The following STXBP6 variants were observed in gnomAD, a reference collection of about 807,000 sequenced individuals.
STXBP6 encodes syntaxin binding protein 6, also known as syntaxin-binding protein 6.
A neutral mutation model predicts 26.9 loss-of-function variants in STXBP6; 21 were observed. The observed-to-expected ratio is 0.78, with a 90% CI of 0.55 to 1.12. The LOEUF is 1.12. Ranked by LOEUF, STXBP6 falls within the 50% of genes most tolerant of loss-of-function variation. STXBP6 has a pLI of 0.00. For synonymous variants in STXBP6, 97 were observed against 92.6 expected (o/e 1.05, Z -0.27); for missense variants, 232 against 257.9 (o/e 0.90, Z 0.69).
chr14:24,896,874 G>C (rs1038389769), intron 2 of STXBP6, among the ~76,000 whole-genome samples: 1 of 152,164 alleles, frequency 6.6e-6, no homozygotes, highest in Non-Finnish European at 1.5e-5. Context: ...GTCTGAGCTG[G>C]TAAGTGTTAG....
At chr14:24,892,857 G>A (rs781100322) in intron 2 of STXBP6, among the ~76,000 whole-genome samples, 12 of 152,130 alleles carry the variant, frequency 7.9e-5, no homozygotes, top group South Asian at 2.1e-4. Context: ...GGAGAGAGCC[G>A]AGTGGACCTT....
At chr14:24,869,486 G>GGAC (rs1265985640) in intron 2 of STXBP6, among the ~76,000 whole-genome samples, 1 of 152,136 alleles carries the variant, frequency 6.6e-6, no homozygotes, top group African/African-American at 2.4e-5. Flanking sequence ...AAATCCCTGG[G>GGAC]GGGTCTTTCC....
rs113836437 is a variant in STXBP6 at position 24,865,249 on chromosome 14, A to G, written c.155-8092T>C. Among the ~76,000 whole-genome samples the G allele has an allele frequency of 5.3e-5, 8 of 152,250 alleles. 1 individual carries two copies. The highest frequency in any genetic ancestry group is 2.1e-4 in the South Asian group (1 of 4,822). ...GAAGCAATGGTTTTTAAGGCATTGT[A>G]TATCAAGCAATGAAGCATAATGACC... is the stretch of plus-strand genomic sequence containing the variant. On this transcript the variant is annotated intron_variant, in intron 2 of 5. Coordinates refer to ENST00000323944, the MANE Select transcript of STXBP6 (RefSeq NM_001394410.1).
intron 2 of STXBP6, among the ~76,000 whole-genome samples, chr14:24,867,819 G>A (rs1301575117): frequency 6.6e-6 from 1 of 152,114 alleles, no homozygotes. Flanking sequence ...TTAATAAGTA[G>A]GACTTCATGG....
At chr14:25,007,127 T>G (rs905386188) in intron 1 of STXBP6, among the ~76,000 whole-genome samples, 2 of 152,240 alleles carry the variant, frequency 1.3e-5, no homozygotes, top group African/African-American at 4.8e-5. Context: ...TATATGCCCC[T>G]TTGGGAAGAT....
At chr14:24,962,856 G>T (rs1461227887) in intron 2 of STXBP6, among the ~76,000 whole-genome samples, 1 of 149,134 alleles carries the variant, frequency 6.7e-6, no homozygotes, top group African/African-American at 2.5e-5. Flanking sequence ...TTTAAAGCAA[G>T]ACTGAGATCA....
intron 1 of STXBP6, among the ~76,000 whole-genome samples, chr14:25,029,937 A>G (rs558189177): frequency 6.6e-6 from 1 of 151,846 alleles, no homozygotes; most frequent in East Asian, 1.9e-4. Flanking sequence ...AATAATAGCA[A>G]TAGCTACCAT....
chr14:24,924,183 T>C (rs4983035), intron 2 of STXBP6, among the ~76,000 whole-genome samples: 116,122 of 152,086 alleles, frequency 0.76, 45,183 homozygotes, highest in African/African-American at 0.92. Flanking sequence ...GTCATCCGTG[T>C]GGGGCATCTA....
chr14:25,045,600 C>CTT lies in STXBP6; in HGVS notation c.-33+4276_-33+4277dup, dbSNP rs200296496. On this transcript the variant is annotated intron_variant, in intron 1 of 5. Transcript: ENST00000323944. ...TTAAATGCGTTCATACTTTTTTTTT[C>CTT]TTTTCTTTTTTTTTTTTTTTGAGAT... 1.4e-4 allele frequency among the ~76,000 whole-genome samples: 19 copies of CTT among 136,004 alleles called. 1 individual carries two copies. The East Asian group carries it at 3.0e-3, about 22-fold the overall frequency. 89.2% of individuals were successfully genotyped at this position (136,004 alleles called of 152,430 possible). A position where few individuals can be genotyped will look rare whatever the true frequency, so the allele number is the denominator to read the frequency against.
intron 2 of STXBP6, among the ~76,000 whole-genome samples, chr14:24,894,347 GA>G (rs1228310756): frequency 2.0e-5 from 3 of 152,184 alleles, no homozygotes; most frequent in Non-Finnish European, 4.4e-5. Flanking sequence ...CTAGGTTGGG[GA>G]AAGTGATTAG....
At chr14:24,821,361 T>C (rs1045298139) in intron 4 of STXBP6, among the ~76,000 whole-genome samples, 1 of 152,236 alleles carries the variant, frequency 6.6e-6, no homozygotes, top group Non-Finnish European at 1.5e-5. Context: ...GGAATGAACC[T>C]ACTACACATA....
chr14:24,893,203 G>A (rs182313210), intron 2 of STXBP6, among the ~76,000 whole-genome samples: 7 of 152,190 alleles, frequency 4.6e-5, no homozygotes, highest in African/African-American at 1.4e-4. Context: ...CCTTTCGTAT[G>A]AACAATACAG....
intron 2 of STXBP6, among the ~76,000 whole-genome samples, chr14:24,877,205 G>A (rs186234017): frequency 6.6e-6 from 1 of 152,298 alleles, no homozygotes; most frequent in East Asian, 1.9e-4. Flanking sequence ...TCTGCTAATT[G>A]AATACAATGG....
chr14:24,930,213 G>T (rs2072333150), intron 2 of STXBP6, among the ~76,000 whole-genome samples: 1 of 151,664 alleles, frequency 6.6e-6, no homozygotes, highest in Admixed American at 6.5e-5. Context: ...ATCACGTGGG[G>T]ATAATAGCCT....
At chr14:24,873,933 A>C (rs1033510714) in intron 2 of STXBP6, among the ~76,000 whole-genome samples, 15 of 152,164 alleles carry the variant, frequency 9.9e-5, no homozygotes, top group African/African-American at 3.1e-4. Context: ...CACCATGCCC[A>C]CCTTGGATAG....
At chr14:24,823,576 T>C (rs1343009988) in intron 4 of STXBP6, among the ~76,000 whole-genome samples, 1 of 152,108 alleles carries the variant, frequency 6.6e-6, no homozygotes, top group East Asian at 1.9e-4. Flanking sequence ...GTTTGGAAAA[T>C]AAGGCAGCAA....
At chr14:24,933,251 A>G (rs573742914) in intron 2 of STXBP6, among the ~76,000 whole-genome samples, 1 of 152,312 alleles carries the variant, frequency 6.6e-6, no homozygotes, top group South Asian at 2.1e-4. Context: ...CTGAGGTGGG[A>G]GGATCCCCTG....
At chr14:25,029,680 G>A (rs1737533078) in intron 1 of STXBP6, among the ~76,000 whole-genome samples, 1 of 152,030 alleles carries the variant, frequency 6.6e-6, no homozygotes, top group South Asian at 2.1e-4. Context: ...ATTTCTTTTA[G>A]AACCAAGTGC....
At chr14:24,948,220 T>C (rs1314943428) in intron 2 of STXBP6, among the ~76,000 whole-genome samples, 1 of 152,012 alleles carries the variant, frequency 6.6e-6, no homozygotes, top group African/African-American at 2.4e-5. Flanking sequence ...AGGGGAAAAG[T>C]TTAAAAAGGC....
Sources: allele counts gnomAD v4.1 joint callset (sites outside exome capture counted in the v4.1 genomes callset), GRCh38; gene constraint gnomAD v4.1.1; transcripts MANE v1.5; gene names NCBI Gene and HGNC (gene_info 2026-07-23, HGNC 2026-07-21).